COL18A1: variants seen among roughly 807,000 people sequenced by gnomAD.
COL18A1 encodes collagen type XVIII alpha 1 chain.
A neutral mutation model predicts 168.0 loss-of-function variants in COL18A1; 133 were observed. That is an observed-to-expected ratio of 0.79 (90% CI 0.69 to 0.91). COL18A1 has a LOEUF of 0.91. COL18A1 is among the 40% of genes least tolerant of loss of function. The probability of loss-of-function intolerance (pLI) is 0.00; values close to 1 mark genes in which losing one functional copy is unlikely to be tolerated. For missense variants in COL18A1, 2,126 were observed against 1,925.4 expected, an observed-to-expected ratio of 1.10 and a Z score of -1.95; for synonymous variants, 949 against 809.0, an observed-to-expected ratio of 1.17 and a Z score of -2.94.
intron 20 of COL18A1, 81 bp from the exon 21 acceptor site, chr21:45,490,755 C>A: frequency 2.1e-6 from 3 of 1,432,464 alleles, no homozygotes; most frequent in South Asian, 1.2e-5. Context: ...AACCCCACAT[C>A]TTCATCAGAG....
chr21:45,410,908 C>T (rs901477303), intron 2 of COL18A1, among the ~76,000 whole-genome samples: 3 of 152,234 alleles, frequency 2.0e-5, no homozygotes, highest in Admixed American at 6.5e-5. Context: ...GCCTCTGATT[C>T]GGCTGCTCTG....
chr21:45,492,013 C>T (rs543951572), intron 22 of COL18A1, among the ~76,000 whole-genome samples: 1 of 152,354 alleles, frequency 6.6e-6, no homozygotes, highest in Admixed American at 6.5e-5. Context: ...AGCTGTGTGA[C>T]ACTGGACAAG....
At chr21:45,445,363 G>A (rs893754741) in intron 2 of COL18A1, among the ~76,000 whole-genome samples, 8 of 152,226 alleles carry the variant, frequency 5.3e-5, no homozygotes, top group African/African-American at 9.7e-5. Flanking sequence ...TCAGCATTTG[G>A]TGGACTTCTG....
At position 45,471,999 on chromosome 21, in the gene COL18A1, A is replaced by T. The variant is rs2035448690; in HGVS notation, c.652-1896A>T. 6.6e-6 allele frequency among the ~76,000 whole-genome samples: 1 copy of T among 151,512 alleles called. No homozygotes were observed. The highest frequency in any genetic ancestry group is 2.4e-5 in the African/African-American group (1 of 41,206). ...TCTCTGCCCTCTGTAGTCGCCCCCC[A>T]CCCAGGCACCCTGTAGCCCCGTGCA... On this transcript the variant is annotated intron_variant, in intron 3 of 41. Transcript: ENST00000651438. This position sits in a 1 kb window ranked among gnomAD's most constrained non-coding sequence, Gnocchi z 4.4.
intron 2 of COL18A1, among the ~76,000 whole-genome samples, chr21:45,442,611 GGCGGTCCTGGTGTGGGCA>G (rs2034399490): frequency 6.6e-6 from 1 of 150,840 alleles, no homozygotes; most frequent in South Asian, 2.1e-4. Context: ...TGGTGTGGGC[GGCGGTCCTGGTGTGGGCA>G]GCGGGGCTGG....
intron 2 of COL18A1, among the ~76,000 whole-genome samples, chr21:45,436,580 G>A (rs533550815): frequency 1.5e-3 from 223 of 152,276 alleles, no homozygotes; most frequent in African/African-American, 4.9e-3. Flanking sequence ...AACTCCCATT[G>A]GGGAGGGGAC....
intron 32 of COL18A1, among the ~76,000 whole-genome samples, chr21:45,501,000 G>T (rs2146037884): frequency 2.8e-5 from 1 of 35,916 alleles, no homozygotes; most frequent in African/African-American, 1.5e-4. Flanking sequence ...GGTTTGGTGT[G>T]TGTTGGGTGT....
rs1159298742 is a variant in COL18A1 at position 45,512,325 on chromosome 21, A to G, written c.3947A>G (p.Gln1316Arg). 3.7e-6 allele frequency: 6 copies of G among 1,612,454 alleles called. No homozygotes were observed. Among genetic ancestry groups the G allele is most frequent in the Non-Finnish European group, 5.1e-6 (6 of 1,179,816 alleles). The change falls in exon 42 of 42, where the codon CAG becomes CGG. Residue 1316 changes from glutamine (Q) to arginine (R), a missense_variant. Gln to Arg is a conservative substitution (Grantham distance 43). Coordinates refer to ENST00000651438, the MANE Select transcript of COL18A1 (RefSeq NM_001379500.1). The stretch of plus-strand genomic sequence containing the variant: ...CTGCTGGGGGGCAGGCTCCTGGGGC[A>G]GAGTGCCGCGAGCTGCCATCACGCC... The part of the protein sequence containing the change: ...SSLLGGRLLG[Q>R]SAASCHHAYI...
chr21:45,417,726 T>C (rs1329455365), intron 2 of COL18A1, among the ~76,000 whole-genome samples: 1 of 152,220 alleles, frequency 6.6e-6, no homozygotes, highest in Admixed American at 6.5e-5. Context: ...GCCCAAATCC[T>C]CTGCATCCGT....
chr21:45,494,491 G>A, intron 26 of COL18A1, 54 bp from the exon 27 acceptor site: 1 of 1,612,716 alleles, frequency 6.2e-7, no homozygotes, highest in Non-Finnish European at 8.5e-7. Flanking sequence ...CAGAGAGGCT[G>A]CCAGGTGGGG....
chr21:45,458,970 G>T (rs115385667), intron 2 of COL18A1, among the ~76,000 whole-genome samples: 5 of 152,180 alleles, frequency 3.3e-5, no homozygotes, highest in African/African-American at 1.2e-4. Flanking sequence ...ACTGCAGCTG[G>T]CCCGGTCGGT....
intron 5 of COL18A1, among the ~76,000 whole-genome samples, chr21:45,476,102 G>A (rs1264459092): frequency 3.3e-5 from 5 of 152,000 alleles, no homozygotes; most frequent in Admixed American, 2.6e-4. Context: ...CCTGTCGGGC[G>A]CCGGGAGGCC....
In COL18A1 at chr21:45,498,617, G is replaced by A. The variant is rs1602568742; in HGVS notation, c.2683+956G>A. On this transcript the variant is annotated intron_variant, in intron 32 of 41. Transcript: ENST00000651438. The surrounding 1 kb of genome is among the most constrained non-coding windows in gnomAD (Gnocchi z 4.5). ...GGGCCGGGACATCCTTAAGGCCTGT[G>A]GAGGCAAAGGCAGGCAGAAAGCAAG... 4.2e-6 allele frequency: 3 copies of A among 707,496 alleles called. No homozygotes were observed. The highest frequency in any genetic ancestry group is 7.9e-6 in the Non-Finnish European group (3 of 377,870). 43.8% of individuals were successfully genotyped at this position (707,496 alleles called of 1,614,324 possible).
chr21:45,504,300 C>A, intron 33 of COL18A1, 116 bp from the exon 34 acceptor site: 1 of 1,094,016 alleles, frequency 9.1e-7, no homozygotes, highest in Non-Finnish European at 1.3e-6. Flanking sequence ...GCCAGCAGCT[C>A]CCAGGCCTGG....
intron 2 of COL18A1, among the ~76,000 whole-genome samples, chr21:45,413,205 T>C (rs1359105644): frequency 1.3e-5 from 2 of 152,150 alleles, no homozygotes; most frequent in Admixed American, 6.5e-5. Flanking sequence ...GTGAGTAAAA[T>C]GGGTCCCCGT....
intron 2 of COL18A1, among the ~76,000 whole-genome samples, chr21:45,448,569 G>A (rs1396238305): frequency 2.0e-5 from 3 of 152,234 alleles, no homozygotes; most frequent in Non-Finnish European, 4.4e-5. Flanking sequence ...AAGTACAGAC[G>A]CTCGCTGAGG....
intron 37 of COL18A1, chr21:45,506,205 T>C: frequency 1.8e-6 from 1 of 554,460 alleles, no homozygotes; most frequent in Non-Finnish European, 3.2e-6. Context: ...TGTGAGGGGC[T>C]CCTGGTGGGT....
At chr21:45,496,093 C>T (rs1392385392) in intron 29 of COL18A1, 2 of 367,172 alleles carry the variant, frequency 5.4e-6, no homozygotes, top group Non-Finnish European at 1.0e-5. Flanking sequence ...GCCCTCTATG[C>T]CCTCCATGCC....
chr21:45,429,738 G>A (rs1310839111), intron 2 of COL18A1, among the ~76,000 whole-genome samples: 2 of 152,202 alleles, frequency 1.3e-5, no homozygotes, highest in Non-Finnish European at 2.9e-5. Context: ...GCATGTGAAA[G>A]CCAGTGTGTC....
Sources: gnomAD v4.1 joint callset for allele counts (sites outside exome capture counted in the v4.1 genomes callset) on GRCh38, gnomAD v4.1.1 for gene constraint, Gnocchi (gnomAD v3.1) non-coding constraint, MANE v1.5 for transcripts, NCBI Gene and HGNC (gene_info 2026-07-23, HGNC 2026-07-21) for gene names.